The following FGD5 variants were observed in gnomAD, a reference collection of about 807,000 sequenced individuals.
The protein encoded by FGD5 is FYVE, RhoGEF and PH domain-containing protein 5.
In FGD5, 28 loss-of-function variants were observed where a neutral mutation model predicts 133.4. The ratio of observed to expected loss-of-function variants is 0.21; its 90% confidence interval spans 0.16 to 0.29. FGD5 has a LOEUF of 0.29. FGD5 is among the 10% of genes least tolerant of loss of function. The pLI, the probability that FGD5 is intolerant of heterozygous loss-of-function variation, is 1.00. For synonymous variants in FGD5, 810 were observed against 776.5 expected (o/e 1.04, Z -0.72); for missense variants, 1,858 against 1,895.2 (o/e 0.98, Z 0.36).
chr3:14,908,775 G>A (rs2125142017), intron 10 of FGD5, among the ~76,000 whole-genome samples: 1 of 151,488 alleles, frequency 6.6e-6, no homozygotes, highest in South Asian at 2.1e-4. Flanking sequence ...AGCTACTCGG[G>A]AGGCTGAGGC....
intron 17 of FGD5, among the ~76,000 whole-genome samples, chr3:14,924,499 C>T (rs566861063): frequency 6.6e-6 from 1 of 152,270 alleles, no homozygotes; most frequent in African/African-American, 2.4e-5. Flanking sequence ...CCTAGGGGTC[C>T]CAACCCGGCT....
At chr3:14,870,616 G>T (rs910169687) in intron 2 of FGD5, among the ~76,000 whole-genome samples, 7 of 152,080 alleles carry the variant, frequency 4.6e-5, no homozygotes, top group African/African-American at 1.2e-4. Context: ...AGGCTCCACC[G>T]CCCCCAGACC....
chr3:14,903,739 T>C (rs975522437), intron 9 of FGD5, among the ~76,000 whole-genome samples: 2 of 152,186 alleles, frequency 1.3e-5, no homozygotes, highest in East Asian at 1.9e-4. Context: ...CTACATGTGT[T>C]ACATTAACAC....
At chr3:14,916,169 C>T (rs1313882219) in intron 11 of FGD5, among the ~76,000 whole-genome samples, 7 of 152,212 alleles carry the variant, frequency 4.6e-5, no homozygotes, top group East Asian at 1.9e-4. Flanking sequence ...ATAGAGAGGG[C>T]ATTCTCTCTG....
rs1001354008 is a variant in FGD5, at chr3:14,811,776, G to A, written c.13+911G>A. On this transcript the variant is annotated intron_variant, in intron 1 of 1. Transcript: ENST00000640506. The stretch of plus-strand genomic sequence containing the variant: ...GGATTCCCAACGCCATCTAAGGGGA[G>A]GGCAGAAAGTTCCCTTAAGATGAGA... 2.6e-5 allele frequency among the ~76,000 whole-genome samples: 4 copies of A among 152,198 alleles called. No homozygotes were observed. The East Asian group carries it at 7.7e-4, about 29-fold the overall frequency.
intron 9 of FGD5, among the ~76,000 whole-genome samples, chr3:14,901,660 A>G (rs150469217): frequency 4.5e-4 from 68 of 152,314 alleles, no homozygotes; most frequent in African/African-American, 1.3e-3. Flanking sequence ...GTCACTGGAA[A>G]AGAGTTCAGT....
chr3:14,837,248 TAGG>T (rs2125082112), intron 1 of FGD5, among the ~76,000 whole-genome samples: 1 of 152,220 alleles, frequency 6.6e-6, no homozygotes, highest in East Asian at 1.9e-4. Flanking sequence ...TGAGGTTAAA[TAGG>T]AGGCTGCTGT....
At chr3:14,894,902 T>C (rs2038103345) in intron 4 of FGD5, among the ~76,000 whole-genome samples, 2 of 118,322 alleles carry the variant, frequency 1.7e-5, no homozygotes, top group Non-Finnish European at 3.4e-5. Flanking sequence ...TAAAAGCCAT[T>C]TTAACAGGGG....
intron 18 of FGD5, among the ~76,000 whole-genome samples, chr3:14,928,022 A>G (rs1575266831): frequency 6.6e-6 from 1 of 150,614 alleles, no homozygotes; most frequent in Non-Finnish European, 1.5e-5. Context: ...GCTCACTGCA[A>G]CCTCCACCTC....
intron 17 of FGD5, among the ~76,000 whole-genome samples, chr3:14,925,472 CTCA>C (rs1386773702): frequency 6.6e-6 from 1 of 152,116 alleles, no homozygotes; most frequent in African/African-American, 2.4e-5. Flanking sequence ...CAGCAAATTG[CTCA>C]TCATTAACCA....
chr3:14,897,328 G>T (rs1238545991), intron 4 of FGD5, 181 bp from the exon 5 acceptor site: 4 of 682,682 alleles, frequency 5.9e-6, no homozygotes, highest in Non-Finnish European at 4.7e-6. Context: ...CCCTATGGTC[G>T]CCAGGTGCAT....
At chr3:14,887,382 C>CA (rs35570197) in intron 4 of FGD5, among the ~76,000 whole-genome samples, 4 of 151,384 alleles carry the variant, frequency 2.6e-5, no homozygotes, top group East Asian at 3.9e-4. Context: ...TTTCTTCAGA[C>CA]AAAAAAAACT....
At chr3:14,863,482 T>G (rs975411238) in intron 1 of FGD5, among the ~76,000 whole-genome samples, 1 of 152,212 alleles carries the variant, frequency 6.6e-6, no homozygotes, top group Non-Finnish European at 1.5e-5. Context: ...AGTAAATATG[T>G]GCTGACTGCT....
In FGD5 at chr3:14,918,836, A is replaced by G; in HGVS notation, c.3569+3A>G. The G allele has an allele frequency of 6.2e-7, 1 of 1,613,914 alleles. No homozygotes were observed. The highest frequency in any genetic ancestry group is 8.5e-7 in the Non-Finnish European group (1 of 1,179,878). ...TCCTGCCTGATGCTGTCTGCGAGGT[A>G]CGGGCAGGTGGAGGGAGGATGGCGC... On this transcript the variant is annotated splice_donor_region_variant and intron_variant, in intron 13 of 19. Coordinates refer to ENST00000285046, the MANE Select transcript of FGD5 (RefSeq NM_152536.4).
intron 1 of FGD5, among the ~76,000 whole-genome samples, chr3:14,844,273 A>AT (rs2037000994): frequency 1.3e-5 from 1 of 75,564 alleles, no homozygotes; most frequent in Admixed American, 1.6e-4. Flanking sequence ...TATATATATA[A>AT]TGCAGGTTTC....
At chr3:14,911,634 C>T (rs910108243) in intron 11 of FGD5, among the ~76,000 whole-genome samples, 1 of 151,880 alleles carries the variant, frequency 6.6e-6, no homozygotes, top group African/African-American at 2.4e-5. Context: ...CTCTCTGTTC[C>T]AGGCGTTGAC....
At chr3:14,876,859 G>C (rs1275540331) in intron 2 of FGD5, among the ~76,000 whole-genome samples, 2 of 152,212 alleles carry the variant, frequency 1.3e-5, no homozygotes, top group East Asian at 3.9e-4. Flanking sequence ...AGAGGACCCG[G>C]ATTCTTGACT....
In FGD5 at chr3:14,821,323, C is replaced by G; in HGVS notation, c.2252C>G (p.Pro751Arg). ...GAGTCCTTTGAAGACCGCTCCCGGC[C>G]GCCCTTCCTGCCCTTGCCACTGACC... ...RVESFEDRSRPPFLPLPLTKP... is the reference protein window; with the variant it reads ...RVESFEDRSRRPFLPLPLTKP... Residue 751 changes from proline (P) to arginine (R), a missense_variant, in exon 1 of 20, where the codon CCG (proline) becomes CGG (arginine). Pro to Arg is a moderately radical substitution (Grantham distance 103). Transcript: ENST00000285046. 6.2e-7 allele frequency: 1 copy of G among 1,613,992 alleles called. No homozygotes were observed. The highest frequency in any genetic ancestry group is 1.3e-5 in the African/African-American group (1 of 75,042).
At chr3:14,810,832 C>G (rs2036280741), upstream of FGD5, 1 of 984,812 alleles carries the variant, frequency 1.0e-6, no homozygotes, top group Non-Finnish European at 1.2e-6. Flanking sequence ...CCGACGGCGG[C>G]CCGGGCCCCG....
Sources: gnomAD v4.1 joint callset for allele counts (sites outside exome capture counted in the v4.1 genomes callset) on GRCh38, gnomAD v4.1.1 for gene constraint, MANE v1.5 for transcripts, NCBI Gene and HGNC (gene_info 2026-07-23, HGNC 2026-07-21) for gene names.